DMBT1: variants seen among roughly 807,000 people sequenced by gnomAD.
DMBT1 encodes the protein scavenger receptor cysteine-rich domain-containing protein DMBT1.
A neutral mutation model predicts 252.9 loss-of-function variants in DMBT1; 198 were observed. The observed-to-expected ratio is 0.78, with a 90% confidence interval of 0.70 to 0.88. The LOEUF (loss-of-function observed/expected upper bound fraction) is 0.88, where lower values mean the gene tolerates loss of function less well. Ranked by LOEUF, DMBT1 falls within the 40% of genes least tolerant of loss-of-function variation. The probability of loss-of-function intolerance (pLI) is 0.00; values close to 1 mark genes in which losing one functional copy is unlikely to be tolerated. For missense variants in DMBT1, 2,432 were observed against 2,404.7 expected, an observed-to-expected ratio of 1.01 and a Z score of -0.24; for synonymous variants, 990 against 942.7, an observed-to-expected ratio of 1.05 and a Z score of -0.92.
At position 122,600,858 on chromosome 10, in the gene DMBT1, A is replaced by G. The variant is rs189466852; in HGVS notation, c.3311-133A>G. ...TTCACAGCAGAGGAGACCTGGGAAG[A>G]CACATGGGAAGCAAGTGGCAGGAAC... On this transcript the variant is annotated intron_variant, in intron 27 of 55. Transcript: ENST00000338354. 265 of 965,230 alleles carry G rather than the reference A, an allele frequency of 2.7e-4. 1 individual carries two copies. The East Asian group carries it at 6.3e-3, about 23-fold the overall frequency. The allele number at this position is 965,230 out of a possible 1,614,324, so 59.8% of individuals were successfully genotyped here.
At position 122,618,009 on chromosome 10, in the gene DMBT1, C is replaced by A; in HGVS notation, c.4892-8C>A. 6.2e-7 allele frequency: 1 copy of A among 1,612,260 alleles called. No homozygotes were observed. The highest frequency in any genetic ancestry group is 8.5e-7 in the Non-Finnish European group (1 of 1,179,714). On this transcript the variant is annotated splice_region_variant and splice_polypyrimidine_tract_variant and intron_variant, in intron 40 of 55. Coordinates refer to ENST00000338354, the MANE Select transcript of DMBT1 (RefSeq NM_001377530.1). ...GGATGGATGAAGGGTTCTTGTGTTC[C>A]CCTGTAGGATCTGAATCCACTTTGG... is the stretch of plus-strand genomic sequence containing the variant.
intron 19 of DMBT1, 71 bp downstream of exon 19, chr10:122,591,588 T>C (rs1374959316): frequency 1.4e-6 from 2 of 1,474,564 alleles, no homozygotes; most frequent in African/African-American, 1.4e-5. Flanking sequence ...CTGAAAATGA[T>C]AGGATGAGGG....
chr10:122,637,717 A>G (rs1413151011), intron 54 of DMBT1, among the ~76,000 whole-genome samples: 1 of 152,264 alleles, frequency 6.6e-6, no homozygotes, highest in East Asian at 1.9e-4. Context: ...GAACTTTTAT[A>G]AACTTTGCAA....
chr10:122,617,908 G>T (rs1374683375), intron 40 of DMBT1, 109 bp from the exon 41 acceptor site: 5 of 1,541,662 alleles, frequency 3.2e-6, no homozygotes, highest in Non-Finnish European at 4.4e-6. Context: ...AATTGTGACT[G>T]CTTGCCCAGG....
chr10:122,572,312 A>G lies in DMBT1; in HGVS notation c.188-2A>G, dbSNP rs193166374. 4 of 1,613,152 alleles carry G rather than the reference A, an allele frequency of 2.5e-6. No individual in the cohort carries two copies. In the East Asian group the frequency reaches 8.9e-5, roughly 36 times the overall value. On this transcript the variant is annotated splice_acceptor_variant, in intron 4 of 55. Coordinates refer to ENST00000338354, the MANE Select transcript of DMBT1 (RefSeq NM_001377530.1). LOFTEE classifies it high-confidence loss of function. ...TGAGCTCTTCCTTTCTCCACCCTGC[A>G]GGTTCTCCGATTTCCTTGGAGTCAA...
Position 122,579,829 on chromosome 10 carries a change from T to C in DMBT1, c.931T>C (p.Trp311Arg). Residue 311 changes from tryptophan (W) to arginine (R), a missense_variant, in exon 10 of 56, where the codon TGG becomes CGG. Trp to Arg is a moderately radical substitution (Grantham distance 101, BLOSUM62 -3). This residue lies in a region of DMBT1 where 1,264 missense variants were observed against 1,082.2 expected (regional missense o/e 1.17). Coordinates refer to ENST00000338354, the MANE Select transcript of DMBT1 (RefSeq NM_001377530.1). Reference protein sequence around the residue: ...VRCSGHESYLWSCPHNGWLTH... With the variant: ...VRCSGHESYLRSCPHNGWLTH... ...CTGCTCAGGACATGAGTCCTACCTG[T>C]GGAGCTGCCCCCACAATGGCTGGCT... 6.2e-7 allele frequency: 1 copy of C among 1,613,648 alleles called. No individual in the cohort carries two copies. Among genetic ancestry groups the C allele is most frequent in the Non-Finnish European group, 8.5e-7 (1 of 1,179,636 alleles).
At chr10:122,585,934 C>G in intron 15 of DMBT1, 126 bp from the exon 16 acceptor site, 1 of 1,505,620 alleles carries the variant, frequency 6.6e-7, no homozygotes, top group African/African-American at 1.4e-5. Flanking sequence ...TGGTTTTATT[C>G]ATATTCAAAG....
intron 20 of DMBT1, among the ~76,000 whole-genome samples, chr10:122,593,115 G>C: frequency 6.7e-6 from 1 of 149,062 alleles, no homozygotes; most frequent in East Asian, 2.1e-4. Context: ...TGGAGTCCTT[G>C]ACCTCAGGTC....
Position 122,618,098 on chromosome 10 carries a change from C to G in DMBT1, c.4973C>G (p.Ser1658Cys). ...RGRVEVLYQG[S>C]WGTVCDDYWD... ...CGAGTGGAGGTCCTATACCAAGGCT[C>G]CTGGGGCACCGTGTGTGATGACTAC... Residue 1658 changes from serine (S) to cysteine (C), a missense_variant, in exon 41 of 56, where the codon TCC (serine) becomes TGC (cysteine). Physicochemically the swap from Ser to Cys is moderately radical, Grantham distance 112. This residue lies in a region of DMBT1 where 1,162 missense variants were observed against 1,169.0 expected (regional missense o/e 0.99). Coordinates refer to ENST00000338354, the MANE Select transcript of DMBT1 (RefSeq NM_001377530.1). The G allele has an allele frequency of 1.2e-6, 2 of 1,613,848 alleles. No individual in the cohort carries two copies. The highest frequency in any genetic ancestry group is 1.7e-6 in the Non-Finnish European group (2 of 1,179,852).
At chr10:122,566,145 C>T (rs3019517) in intron 2 of DMBT1, 149 bp downstream of exon 2, 1 of 777,020 alleles carries the variant, frequency 1.3e-6, no homozygotes, top group Admixed American at 2.1e-5. Context: ...AGGAGACGTG[C>T]GTGCCAAGAC....
At chr10:122,630,105 CT>C in intron 47 of DMBT1, 112 bp downstream of exon 47, 1 of 1,470,776 alleles carries the variant, frequency 6.8e-7, no homozygotes, top group Non-Finnish European at 9.3e-7. Context: ...CATGGACAAG[CT>C]TTTGGTGGCT....
At chr10:122,619,186 C>A in intron 41 of DMBT1, 122 bp from the exon 42 acceptor site, 1 of 1,295,134 alleles carries the variant, frequency 7.7e-7, no homozygotes, top group Non-Finnish European at 1.1e-6. Flanking sequence ...ATGCCCCTCC[C>A]TCTGTGATAG....
intron 25 of DMBT1, 151 bp from the exon 26 acceptor site, chr10:122,598,623 A>T (rs1456231790): frequency 9.9e-6 from 15 of 1,518,738 alleles, no homozygotes; most frequent in African/African-American, 2.8e-5. Flanking sequence ...TTTGACTTTG[A>T]TGAAGCTGAA....
intron 49 of DMBT1, 139 bp from the exon 50 acceptor site, chr10:122,631,716 A>C: frequency 3.7e-6 from 3 of 806,922 alleles, no homozygotes; most frequent in Non-Finnish European, 6.1e-6. Context: ...GCTTCTCAAT[A>C]GCAATTGCTG....
chr10:122,565,867 C>T (rs2097585488), intron 1 of DMBT1, 100 bp from the exon 2 acceptor site: 1 of 1,148,546 alleles, frequency 8.7e-7, no homozygotes, highest in Non-Finnish European at 1.3e-6. Context: ...GCCACAGCGC[C>T]CTCTGGTGTG....
At position 122,626,488 on chromosome 10, in the gene DMBT1, A is replaced by AT. The variant is rs562050695; in HGVS notation, c.5668+530dup. ...GTGATGAAGAATATTTTTATAGATA[A>AT]TTTTTTTGCATACCTCACTAATTTT... On this transcript the variant is annotated intron_variant, in intron 46 of 55. Transcript: ENST00000338354. Among the ~76,000 whole-genome samples, 294 of 152,266 alleles carry AT rather than the reference A, an allele frequency of 1.9e-3. 1 individual carries two copies. The highest frequency in any genetic ancestry group is 3.5e-3 in the South Asian group (17 of 4,830).
intron 44 of DMBT1, among the ~76,000 whole-genome samples, chr10:122,622,531 A>C (rs960416939): frequency 6.6e-6 from 1 of 152,164 alleles, no homozygotes; most frequent in African/African-American, 2.4e-5. Context: ...TTCACTATCA[A>C]CTTGCTTTTT....
At chr10:122,577,761 T>C in intron 7 of DMBT1, 50 bp from the exon 8 acceptor site, 1 of 1,610,638 alleles carries the variant, frequency 6.2e-7, no homozygotes, top group Non-Finnish European at 8.5e-7. Context: ...TTAACTCTAC[T>C]TGGAGTCACT....
chr10:122,599,389 G>A (rs1228232564), intron 26 of DMBT1, among the ~76,000 whole-genome samples: 1 of 152,158 alleles, frequency 6.6e-6, no homozygotes, highest in Non-Finnish European at 1.5e-5. Context: ...TTTCTCCCCT[G>A]CTGAGTAGCA....
Sources: allele counts gnomAD v4.1 joint callset (sites outside exome capture counted in the v4.1 genomes callset), GRCh38; gene constraint gnomAD v4.1.1; regional missense constraint gnomAD v4.1.1; transcripts MANE v1.5; gene names NCBI Gene and HGNC (gene_info 2026-07-23, HGNC 2026-07-21).